Variants in JUP observed in about 807,000 individuals in gnomAD.
The protein encoded by JUP is catenin (cadherin-associated protein), gamma 80kDa.
A neutral mutation model predicts 71.1 loss-of-function variants in JUP; 28 were observed. The ratio of observed to expected loss-of-function variants is 0.39; its 90% CI spans 0.29 to 0.54. The LOEUF (loss-of-function observed/expected upper bound fraction) is 0.54, where lower values mean the gene tolerates loss of function less well. Ranked by LOEUF, JUP falls within the 20% of genes least tolerant of loss-of-function variation. The probability of loss-of-function intolerance (pLI) is 0.62; values close to 1 mark genes in which losing one functional copy is unlikely to be tolerated. For missense variants in JUP, 869 were observed against 1,030.1 expected (o/e 0.84, Z 2.14); for synonymous variants, 401 against 438.9 (o/e 0.91, Z 1.08).
intron 1 of JUP, among the ~76,000 whole-genome samples, chr17:41,772,666 G>A (rs1318376129): frequency 2.0e-5 from 3 of 152,098 alleles, no homozygotes; most frequent in East Asian, 1.9e-4. Flanking sequence ...CAGAGGCCAC[G>A]GCCATTATCA....
rs2046872264 is a variant in JUP at position 41,776,093 on chromosome 17, G to A, written c.-8-4231C>T. The A allele has an allele frequency of 8.9e-6, 5 of 561,066 alleles. No homozygotes were observed. In the South Asian group the frequency reaches 2.3e-4, roughly 26 times the overall value. 34.8% of individuals were successfully genotyped at this position (561,066 alleles called of 1,614,324 possible). A position where few individuals can be genotyped will look rare whatever the true frequency, so the allele number is the denominator to read the frequency against. On this transcript the variant is annotated intron_variant, in intron 1 of 13. Transcript: ENST00000393931. Reference sequence around the variant, plus strand: ...CACCTGGAAATAAGGACAGGAGTGGGTTACCCCAGAGGCCGTGCTGGAAGC... The same window carrying A: ...CACCTGGAAATAAGGACAGGAGTGGATTACCCCAGAGGCCGTGCTGGAAGC...
intron 2 of JUP, 64 bp downstream of exon 2, chr17:41,771,583 C>G: frequency 6.7e-7 from 1 of 1,484,336 alleles, no homozygotes; most frequent in South Asian, 1.1e-5. Flanking sequence ...TCCTTTCACT[C>G]TGACCTCTCT....
At chr17:41,770,837 C>T (rs1360901826) in intron 2 of JUP, among the ~76,000 whole-genome samples, 1 of 152,216 alleles carries the variant, frequency 6.6e-6, no homozygotes, top group East Asian at 1.9e-4. Flanking sequence ...GGCCTGGTCT[C>T]CCTCCAACCC....
intron 2 of JUP, chr17:41,771,441 A>T (rs1185887098): frequency 1.6e-6 from 1 of 610,398 alleles, no homozygotes; most frequent in Non-Finnish European, 2.9e-6. Flanking sequence ...GATGGTTCAC[A>T]GAAGAGGATT....
chr17:41,771,134 A>G (rs782525795), intron 2 of JUP, among the ~76,000 whole-genome samples: 1 of 152,092 alleles, frequency 6.6e-6, no homozygotes, highest in Non-Finnish European at 1.5e-5. Flanking sequence ...GGTTCAAGCA[A>G]TTCTCCTGCC....
chr17:41,773,951 C>T (rs1555607877), intron 1 of JUP, among the ~76,000 whole-genome samples: 1 of 152,244 alleles, frequency 6.6e-6, no homozygotes, highest in South Asian at 2.1e-4. Context: ...TGCTGGACAT[C>T]TGCAGCTCTG....
chr17:41,783,048 G>T (rs1208083112), intron 1 of JUP, among the ~76,000 whole-genome samples: 1 of 150,248 alleles, frequency 6.7e-6, no homozygotes, highest in South Asian at 2.1e-4. Context: ...AGTGAGCCGA[G>T]ATCGCGCCAC....
At chr17:41,778,375 G>A (rs1313077019) in intron 1 of JUP, among the ~76,000 whole-genome samples, 1 of 152,008 alleles carries the variant, frequency 6.6e-6, no homozygotes, top group Non-Finnish European at 1.5e-5. Context: ...AGACCAGTCT[G>A]GGCAACATGG....
At chr17:41,783,686 C>G (rs1011432097) in intron 1 of JUP, among the ~76,000 whole-genome samples, 2 of 150,880 alleles carry the variant, frequency 1.3e-5, no homozygotes, top group African/African-American at 4.9e-5. Context: ...TTTGGGAGGC[C>G]GGGGCGGGCG....
In JUP at chr17:41,769,108, C is replaced by T. The variant is rs370143312; in HGVS notation, c.568G>A (p.Val190Met). The change falls in exon 4 of 14, where the codon GTG becomes ATG. Residue 190 changes from valine to methionine, a missense_variant. Val to Met is a conservative substitution (Grantham distance 21). Transcript: ENST00000393931. Reference protein sequence around the residue: ...MGSPQLVAAVVRTMQNTSDLD... With the variant: ...MGSPQLVAAVMRTMQNTSDLD... ...TCGCTGGTATTCTGCATGGTACGCA[C>T]GACAGCGGCCACCAGCTGGGGCGAG... 32 of 1,612,046 alleles carry T rather than the reference C, an allele frequency of 2.0e-5. No individual in the cohort carries two copies. The Admixed American group carries it at 2.2e-4, about 11-fold the overall frequency.
At chr17:41,770,845 C>A (rs1555606548) in intron 2 of JUP, among the ~76,000 whole-genome samples, 2 of 152,236 alleles carry the variant, frequency 1.3e-5, no homozygotes, top group Non-Finnish European at 2.9e-5. Context: ...CTCCCTCCAA[C>A]CCCAACGAGG....
At chr17:41,759,025 A>G (rs1486771704) in intron 8 of JUP, among the ~76,000 whole-genome samples, 155 bp from the exon 9 acceptor site, 1 of 151,610 alleles carries the variant, frequency 6.6e-6, no homozygotes, top group Non-Finnish European at 1.5e-5. Context: ...AGACCATCCC[A>G]GCCATGTCAC....
chr17:41,769,182 A>G lies in JUP; in HGVS notation c.494T>C (p.Ile165Thr), dbSNP rs1254146503. 1.9e-6 allele frequency: 3 copies of G among 1,601,844 alleles called. No homozygotes were observed. The highest frequency in any genetic ancestry group is 2.5e-6 in the Non-Finnish European group (3 of 1,179,936). ...CTCCTTCTTCGACAGCTGGTTCACA[A>G]TCATGGCCGCCTTGGTCACCACCAC... Reference protein sequence around the residue: ...DPVVVTKAAMIVNQLSKKEAS... With the variant: ...DPVVVTKAAMTVNQLSKKEAS... The change falls in exon 4 of 14, where the codon ATT becomes ACT. Residue 165 changes from isoleucine to threonine, a missense_variant. Physicochemically the swap from Ile to Thr is moderately conservative, Grantham distance 89 (BLOSUM62 -1). Coordinates refer to ENST00000393931, the MANE Select transcript of JUP (RefSeq NM_002230.4).
At chr17:41,786,031 G>C (rs2047439775) in intron 1 of JUP, 1 of 152,226 alleles carries the variant, frequency 6.6e-6, no homozygotes, top group African/African-American at 2.4e-5. Context: ...TCGGCAGGTG[G>C]GGCCAGAGTC....
intron 8 of JUP, among the ~76,000 whole-genome samples, chr17:41,759,473 T>G (rs1914451242): frequency 6.6e-6 from 1 of 150,960 alleles, no homozygotes; most frequent in Non-Finnish European, 1.5e-5. Flanking sequence ...CCCTCTTTCT[T>G]AACCACCCCC....
intron 2 of JUP, 59 bp from the exon 3 acceptor site, chr17:41,769,736 G>T (rs993533073): frequency 2.5e-6 from 4 of 1,572,262 alleles, no homozygotes; most frequent in Non-Finnish European, 2.6e-6. Context: ...ACACTGGGGA[G>T]CAGGGCAGGC....
rs1477036549 is a variant in JUP, at chr17:41,755,861, G to A, written c.2121C>T (p.Ser707=). ...TCTCCAGCGGGTCAAGGGGCACATC[G>A]CTGGAGTACATGGGGCGGTAGGTGG... ...MDATYRPMYS[S]DVPLDPLEMH... The change falls in exon 14 of 14, where the codon AGC becomes AGT. Residue 707 remains serine, a synonymous_variant. Coordinates refer to ENST00000393931, the MANE Select transcript of JUP (RefSeq NM_002230.4). The A allele has an allele frequency of 1.1e-5, 17 of 1,612,392 alleles. No individual in the cohort carries two copies. Among genetic ancestry groups the A allele is most frequent in the African/African-American group, 6.7e-5 (5 of 74,888 alleles).
Position 41,764,905 on chromosome 17 carries a change from C to T in JUP, c.1054+18G>A, listed in dbSNP as rs782112631. 1.2e-6 allele frequency: 2 copies of T among 1,614,148 alleles called. No homozygotes were observed. The highest frequency in any genetic ancestry group is 2.2e-5 in the East Asian group (1 of 44,880). On this transcript the variant is annotated intron_variant, in intron 6 of 13. Transcript: ENST00000393931. ...GCAGAGCTCCCACCCCAGCCGCCCT[C>T]AAGGCCATCATACTCACCAGCCTCC... is the stretch of plus-strand genomic sequence containing the variant.
Position 41,769,515 on chromosome 17 carries a change from T to C in JUP, c.371A>G (p.Lys124Arg). ...QRLAEPSQLL[K>R]SAIVHLINYQ... Reference sequence around the variant, plus strand: ...GTTGATGAGATGCACAATGGCCGACTTGAGCAGCTGGGACGGCTCGGCCAG... The same window carrying C: ...GTTGATGAGATGCACAATGGCCGACCTGAGCAGCTGGGACGGCTCGGCCAG... Residue 124 changes from lysine to arginine, a missense_variant, in exon 3 of 14, where the codon AAG becomes AGG. Physicochemically the swap from Lys to Arg is conservative, Grantham distance 26. Transcript: ENST00000393931. The C allele has an allele frequency of 6.2e-7, 1 of 1,612,772 alleles. No individual in the cohort carries two copies. The highest frequency in any genetic ancestry group is 8.5e-7 in the Non-Finnish European group (1 of 1,179,596).
Sources: gnomAD v4.1 joint callset for allele counts (sites outside exome capture counted in the v4.1 genomes callset) on GRCh38, gnomAD v4.1.1 for gene constraint, MANE v1.5 for transcripts, NCBI Gene and HGNC (gene_info 2026-07-23, HGNC 2026-07-21) for gene names.